NBEAL1: variants seen among roughly 807,000 people sequenced by gnomAD.
NBEAL1 encodes neurobeachin-like protein 1.
In NBEAL1, 273 loss-of-function variants were observed where a neutral mutation model predicts 351.3. The observed-to-expected ratio is 0.78, with a 90% CI of 0.70 to 0.86. The LOEUF (loss-of-function observed/expected upper bound fraction) is 0.86, where lower values mean the gene tolerates loss of function less well. Among genes scored for constraint, NBEAL1 ranks in the 40% least tolerant of loss-of-function variants. The pLI is 0.00. For missense variants in NBEAL1, 2,961 were observed against 3,201.3 expected (o/e 0.92, Z 1.81); for synonymous variants, 1,050 against 1,086.4 (o/e 0.97, Z 0.66).
chr2:203,217,971 T>C lies in NBEAL1; in HGVS notation c.*617T>C, dbSNP rs940811263. ...AATCTATTACTGTCCTTAATAAAAATTGAGTAGAAAAAAGTGGAACTAGAG... is the reference window on the plus strand; with the variant it reads ...AATCTATTACTGTCCTTAATAAAAACTGAGTAGAAAAAAGTGGAACTAGAG... On this transcript the variant is annotated 3_prime_UTR_variant, in exon 56 of 56. Transcript: ENST00000683969. The C allele has an allele frequency of 3.2e-5, 29 of 916,338 alleles. No individual in the cohort carries two copies. In the Admixed American group the frequency reaches 1.3e-3, roughly 41 times the overall value. 56.8% of individuals were successfully genotyped at this position (916,338 alleles called of 1,614,324 possible). A position where few individuals can be genotyped will look rare whatever the true frequency, so the allele number is the denominator to read the frequency against.
At position 203,127,907 on chromosome 2, in the gene NBEAL1, G is replaced by A; in HGVS notation, c.3375G>A (p.Gly1125=). 6.4e-7 allele frequency: 1 copy of A among 1,551,212 alleles called. No homozygotes were observed. Residue 1125 remains glycine (G), a synonymous_variant, in exon 24 of 56, where the codon GGG becomes GGA. Coordinates refer to ENST00000683969, the MANE Select transcript of NBEAL1 (RefSeq NM_001378026.1). ...ATGAAGAGATACAAAGTATTATGGG[G>A]TACATAGCTGCTACTAATGAAGAAG... ...GSHEEIQSIM[G]YIAATNEEEQ...
intron 2 of NBEAL1, among the ~76,000 whole-genome samples, chr2:203,037,837 C>A (rs550524472): frequency 6.7e-6 from 1 of 149,100 alleles, no homozygotes; most frequent in South Asian, 2.1e-4. Context: ...TAGCTGTAAT[C>A]CCAGCTACTT....
At chr2:203,064,267 G>C (rs139195052) in intron 6 of NBEAL1, among the ~76,000 whole-genome samples, 5,368 of 152,126 alleles carry the variant, frequency 0.035, 303 homozygotes, top group African/African-American at 0.12. Flanking sequence ...TGGCCAGACT[G>C]GTCTTGAACT....
intron 10 of NBEAL1, among the ~76,000 whole-genome samples, chr2:203,090,249 A>G (rs997753479): frequency 3.3e-5 from 5 of 152,186 alleles, no homozygotes; most frequent in Non-Finnish European, 5.9e-5. Flanking sequence ...GTTTTGTTAC[A>G]TGGATATATT....
chr2:203,137,865 T>C (rs1450079152), intron 29 of NBEAL1, among the ~76,000 whole-genome samples: 2 of 151,790 alleles, frequency 1.3e-5, no homozygotes, highest in East Asian at 3.9e-4. Context: ...ATGCCTGTAA[T>C]CCCAGCTTCT....
At chr2:203,194,983 G>A (rs951092909) in intron 47 of NBEAL1, among the ~76,000 whole-genome samples, 2 of 152,208 alleles carry the variant, frequency 1.3e-5, no homozygotes, top group Non-Finnish European at 2.9e-5. Flanking sequence ...AGATCACGAG[G>A]TCAGGAGATT....
In NBEAL1 at chr2:203,144,923, T is replaced by A. The variant is rs760898025; in HGVS notation, c.5154+18T>A. On this transcript the variant is annotated intron_variant, in intron 32 of 55. Transcript: ENST00000683969. The stretch of plus-strand genomic sequence containing the variant: ...AAAAATATGTAAGTTTTATCTTTTT[T>A]GATCAAGATTTTTCTGCTAATTTAC... The A allele has an allele frequency of 6.5e-7, 1 of 1,548,052 alleles. No individual in the cohort carries two copies. The highest frequency in any genetic ancestry group is 8.7e-7 in the Non-Finnish European group (1 of 1,149,772).
Position 203,161,853 on chromosome 2 carries a change from G to A in NBEAL1, c.5714+4028G>A, listed in dbSNP as rs141576709. 3.3e-3 allele frequency among the ~76,000 whole-genome samples: 497 copies of A among 151,484 alleles called. 4 individuals are homozygous for A. Among genetic ancestry groups the A allele is most frequent in the African/African-American group, 0.012 (478 of 41,342 alleles). On this transcript the variant is annotated intron_variant, in intron 36 of 55. Transcript: ENST00000683969. ...ATCTCTAAAATAAATAAATAAATAA[G>A]CAAGACCCGCCCATCTCTAAAATAA...
chr2:203,041,744 A>G (rs1273093738), intron 2 of NBEAL1, 21 bp from the exon 3 acceptor site: 4 of 1,521,032 alleles, frequency 2.6e-6, no homozygotes, highest in Non-Finnish European at 3.6e-6. Context: ...ACTTAATATT[A>G]TAATGGTTTT....
chr2:203,195,959 G>A (rs1048617385), intron 47 of NBEAL1, among the ~76,000 whole-genome samples: 4 of 152,182 alleles, frequency 2.6e-5, no homozygotes, highest in African/African-American at 9.7e-5. Context: ...AAAGTTTTAT[G>A]TCAGTGTAAG....
rs1427150049 is a variant in NBEAL1 at position 203,084,465 on chromosome 2, A to G, written c.994A>G (p.Thr332Ala). ...TGATTTTCTTTTTATTTTCCTAGATACCATCACAGCCATGTTAGATTGTAC... is the reference window on the plus strand; with the variant it reads ...TGATTTTCTTTTTATTTTCCTAGATGCCATCACAGCCATGTTAGATTGTAC... ...FIALQIKMLN[T>A]ITAMLDCTDR... is the part of the protein sequence containing the mutation. The change falls in exon 10 of 56, where the codon ACC (threonine) becomes GCC (alanine). Residue 332 changes from threonine to alanine, a missense_variant and splice_region_variant. Transcript: ENST00000683969. 6.9e-7 allele frequency: 1 copy of G among 1,443,058 alleles called. No individual in the cohort carries two copies. The highest frequency in any genetic ancestry group is 1.5e-5 in the South Asian group (1 of 66,888). The allele number at this position is 1,443,058 out of a possible 1,614,324, so 89.4% of individuals were successfully genotyped here. A position where few individuals can be genotyped will look rare whatever the true frequency, so the allele number is the denominator to read the frequency against.
At chr2:203,099,805 A>G in intron 12 of NBEAL1, 93 bp downstream of exon 12, 3 of 777,450 alleles carry the variant, frequency 3.9e-6, no homozygotes, top group Non-Finnish European at 6.1e-6. Flanking sequence ...GGTAAATTGG[A>G]TATCATGGGG....
At position 203,119,438 on chromosome 2, in the gene NBEAL1, T is replaced by TTTTTTTTTTTTTTTTTTTTTC. The variant is rs2062778907; in HGVS notation, c.2593-2810_2593-2809insTTTTTTTTTTTTTTCTTTTTT. On this transcript the variant is annotated intron_variant, in intron 18 of 55. Coordinates refer to ENST00000683969, the MANE Select transcript of NBEAL1 (RefSeq NM_001378026.1). ...ACGGCCTGTTGCTTTTTTTTTTTTT[T>TTTTTTTTTTTTTTTTTTTTTC]TTTTTTGAGACGGAGTCTCGCTCTG... Among the ~76,000 whole-genome samples the TTTTTTTTTTTTTTTTTTTTTC allele has an allele frequency of 1.5e-5, 2 of 133,750 alleles. 1 individual carries two copies. Among genetic ancestry groups the TTTTTTTTTTTTTTTTTTTTTC allele is most frequent in the Non-Finnish European group, 3.2e-5 (2 of 62,614 alleles). The allele number at this position is 133,750 out of a possible 152,430, so 87.7% of individuals were successfully genotyped here.
chr2:203,198,383 C>T (rs1163541364), intron 48 of NBEAL1, among the ~76,000 whole-genome samples: 1 of 152,040 alleles, frequency 6.6e-6, no homozygotes, highest in Non-Finnish European at 1.5e-5. Flanking sequence ...GGAGAACTTA[C>T]TATGACTGTC....
chr2:203,067,436 T>C (rs1293154624), intron 6 of NBEAL1, among the ~76,000 whole-genome samples: 35 of 152,226 alleles, frequency 2.3e-4, no homozygotes, highest in Non-Finnish European at 5.9e-5. Context: ...TCTATTTTGC[T>C]GTCACTGAGT....
Position 203,221,212 on chromosome 2 carries a change from A to G in NBEAL1, c.*3858A>G, listed in dbSNP as rs1313977299. ...AGAGATATGACCTTTGCCTTTATGT[A>G]TATTTTATATTGTTACTACTAAAGA... On this transcript the variant is annotated 3_prime_UTR_variant, in exon 56 of 56. Transcript: ENST00000683969. Among the ~76,000 whole-genome samples the G allele has an allele frequency of 1.3e-5, 2 of 151,982 alleles. No homozygotes were observed. Among genetic ancestry groups the G allele is most frequent in the African/African-American group, 2.4e-5 (1 of 41,410 alleles).
chr2:203,077,980 C>A (rs1285334188), intron 8 of NBEAL1, 143 bp downstream of exon 8: 4 of 415,230 alleles, frequency 9.6e-6, no homozygotes, highest in South Asian at 2.4e-4. Flanking sequence ...TAATCTACTT[C>A]TTTTATTTTC....
intron 42 of NBEAL1, among the ~76,000 whole-genome samples, chr2:203,179,414 A>G (rs564130155): frequency 3.9e-5 from 6 of 152,296 alleles, no homozygotes; most frequent in African/African-American, 1.4e-4. Context: ...ACACTGTAGC[A>G]CATTATGATG....
chr2:203,174,216 C>CAAAAAAAAAAAA (rs10652390), intron 41 of NBEAL1, among the ~76,000 whole-genome samples: 5 of 24,612 alleles, frequency 2.0e-4, no homozygotes, highest in African/African-American at 3.2e-4. Flanking sequence ...TTTATACTAG[C>CAAAAAAAAAAAA]AAAAAAAAAA....
Sources: allele counts gnomAD v4.1 joint callset (sites outside exome capture counted in the v4.1 genomes callset), GRCh38; gene constraint gnomAD v4.1.1; transcripts MANE v1.5; gene names NCBI Gene and HGNC (gene_info 2026-07-23, HGNC 2026-07-21).